RDX: variants seen among roughly 807,000 people sequenced by gnomAD.
RDX encodes the protein radixin.
In RDX, 32 loss-of-function variants were observed where a neutral mutation model predicts 83.7. The observed-to-expected ratio is 0.38, with a 90% CI of 0.29 to 0.51. The LOEUF is 0.51. RDX is among the 20% of genes least tolerant of loss of function. The pLI is 0.87. For synonymous variants in RDX, 229 were observed against 222.7 expected, an observed-to-expected ratio of 1.03 and a Z score of -0.25; for missense variants, 600 against 689.9, an observed-to-expected ratio of 0.87 and a Z score of 1.46.
At chr11:110,251,598 C>G (rs533700003) in intron 9 of RDX, among the ~76,000 whole-genome samples, 10 of 152,160 alleles carry the variant, frequency 6.6e-5, no homozygotes, top group Non-Finnish European at 1.3e-4. Context: ...AGCCTTGGTG[C>G]AGAATCTCCC....
intron 15 of RDX, among the ~76,000 whole-genome samples, chr11:110,180,501 C>A (rs1007444674): frequency 6.6e-6 from 1 of 152,118 alleles, no homozygotes. Context: ...TTCAGTTACC[C>A]ATTTCCCCGG....
intron 2 of RDX, among the ~76,000 whole-genome samples, chr11:110,276,332 G>A (rs1248449738): frequency 6.6e-6 from 1 of 152,162 alleles, no homozygotes; most frequent in East Asian, 1.9e-4. Flanking sequence ...CTGCATAAGT[G>A]TGGATCTAAT....
At chr11:110,283,139 A>G (rs1199265452) in intron 1 of RDX, among the ~76,000 whole-genome samples, 1 of 152,176 alleles carries the variant, frequency 6.6e-6, no homozygotes, top group East Asian at 1.9e-4. Context: ...GAAAATGTAG[A>G]GGTTTTGTCA....
At chr11:110,266,792 C>T (rs545410684) in intron 3 of RDX, among the ~76,000 whole-genome samples, 15 of 152,104 alleles carry the variant, frequency 9.9e-5, no homozygotes, top group East Asian at 9.7e-4. Context: ...CTTGCTATGT[C>T]GCCAAGGCTA....
At chr11:110,237,227 A>C (rs1393262350) in intron 11 of RDX, among the ~76,000 whole-genome samples, 1 of 151,860 alleles carries the variant, frequency 6.6e-6, no homozygotes, top group African/African-American at 2.4e-5. Context: ...GTCCAATGTC[A>C]AAGTGAATCA....
At chr11:110,178,959 C>A (rs981989751) in intron 15 of RDX, among the ~76,000 whole-genome samples, 3 of 152,184 alleles carry the variant, frequency 2.0e-5, no homozygotes, top group African/African-American at 7.2e-5. Context: ...TTCGTTACAC[C>A]AAGCAACTAA....
At chr11:110,289,440 T>C (rs142701717) in intron 1 of RDX, among the ~76,000 whole-genome samples, 1 of 152,290 alleles carries the variant, frequency 6.6e-6, no homozygotes, top group East Asian at 1.9e-4. Context: ...TCTGGTGATA[T>C]ATACTAACTT....
intron 14 of RDX, among the ~76,000 whole-genome samples, chr11:110,220,935 C>A (rs527400954): frequency 6.0e-5 from 9 of 150,038 alleles, no homozygotes; most frequent in Non-Finnish European, 1.2e-4. Context: ...GGTACAGGAT[C>A]CCTATACCCC....
At chr11:110,183,550 C>G (rs1862929382) in intron 15 of RDX, among the ~76,000 whole-genome samples, 1 of 152,230 alleles carries the variant, frequency 6.6e-6, no homozygotes, top group Non-Finnish European at 1.5e-5. Flanking sequence ...TCCCCAACTC[C>G]TAGTCTCAAG....
chr11:110,216,541 C>CT (rs11432416), intron 14 of RDX, among the ~76,000 whole-genome samples: 56,447 of 136,638 alleles, frequency 0.41, 11,319 homozygotes, highest in East Asian at 0.6. Context: ...AATTTTTTTT[C>CT]TTTTTTTTTT....
At chr11:110,185,126 G>A (rs1862961942) in intron 15 of RDX, 1 of 152,204 alleles carries the variant, frequency 6.6e-6, no homozygotes, top group Non-Finnish European at 1.5e-5. Context: ...TTTTATCCAA[G>A]GAGAACTGAG....
chr11:110,274,435 T>C (rs912134898), intron 2 of RDX, among the ~76,000 whole-genome samples: 11 of 152,230 alleles, frequency 7.2e-5, no homozygotes, highest in African/African-American at 2.7e-4. Flanking sequence ...TGCACGATAT[T>C]TGTTGATCAA....
In RDX at chr11:110,254,125, T is replaced by A; in HGVS notation, c.796-16A>T. The A allele has an allele frequency of 6.2e-7, 1 of 1,609,304 alleles. No homozygotes were observed. The highest frequency in any genetic ancestry group is 8.5e-7 in the Non-Finnish European group (1 of 1,176,698). On this transcript the variant is annotated splice_polypyrimidine_tract_variant and intron_variant, in intron 8 of 13. Transcript: ENST00000645495. ...ACACAAAATCCTAAACATAAAGTAT[T>A]CTGAATTTAAAATCTTCCTCAAGGA...
intron 15 of RDX, among the ~76,000 whole-genome samples, chr11:110,190,274 T>C (rs1565282922): frequency 6.6e-6 from 1 of 151,974 alleles, no homozygotes; most frequent in African/African-American, 2.4e-5. Context: ...ACCCCGTCTC[T>C]ACTAAAAATA....
At position 110,254,045 on chromosome 11, in the gene RDX, T is replaced by C. The variant is rs1859444090; in HGVS notation, c.860A>G (p.Asn287Ser). 6.2e-7 allele frequency: 1 copy of C among 1,613,628 alleles called. No homozygotes were observed. The highest frequency in any genetic ancestry group is 8.5e-7 in the Non-Finnish European group (1 of 1,179,822). The change falls in exon 9 of 14, where the codon AAC becomes AGC. Residue 287 changes from asparagine to serine, a missense_variant. By Grantham distance (46) the Asn-to-Ser change is conservative. Transcript: ENST00000645495. The part of the protein sequence containing the change: ...NKRILALCMG[N>S]HELYMRRRKP... ...CCTTCTTCGCATGTATAGTTCATGG[T>C]TTCCCATACATAAGGCCAAAATCCG...
At chr11:110,184,145 G>GT (rs1470910526) in intron 15 of RDX, among the ~76,000 whole-genome samples, 1 of 152,228 alleles carries the variant, frequency 6.6e-6, no homozygotes, top group Non-Finnish European at 1.5e-5. Flanking sequence ...GGGGATGATA[G>GT]AACAATCTGG....
At chr11:110,188,421 C>T (rs1350692589) in intron 15 of RDX, among the ~76,000 whole-genome samples, 1 of 151,916 alleles carries the variant, frequency 6.6e-6, no homozygotes, top group East Asian at 1.9e-4. Flanking sequence ...GAAAAGCGAA[C>T]ATCGTATGTT....
In RDX at chr11:110,192,244, C is replaced by T. The variant is rs56752329; in HGVS notation, c.*31+7337G>A. Among the ~76,000 whole-genome samples, 636 of 152,236 alleles carry T rather than the reference C, an allele frequency of 4.2e-3. 6 individuals are homozygous for T. The highest frequency in any genetic ancestry group is 0.014 in the African/African-American group (584 of 41,522). ...CAGAAATAAAGCTACACACCTACAA[C>T]CATCTGATTTTTGACAAAGTTGACA... is the stretch of plus-strand genomic sequence containing the variant. On this transcript the variant is annotated intron_variant, in intron 15 of 15. Coordinates refer to the RDX transcript ENST00000528498.
intron 1 of RDX, among the ~76,000 whole-genome samples, chr11:110,289,185 C>T (rs1342601268): frequency 6.7e-6 from 1 of 149,066 alleles, no homozygotes; most frequent in African/African-American, 2.5e-5. Context: ...TTGTGGTGAG[C>T]CAAGATCGCG....
Sources: allele counts gnomAD v4.1 joint callset (sites outside exome capture counted in the v4.1 genomes callset), GRCh38; gene constraint gnomAD v4.1.1; transcripts MANE v1.5; gene names NCBI Gene and HGNC (gene_info 2026-07-23, HGNC 2026-07-21).